VPS13A: variants seen among roughly 807,000 people sequenced by gnomAD.
VPS13A encodes vacuolar protein sorting 13 homolog A.
In VPS13A, 264 loss-of-function variants were observed where a neutral mutation model predicts 390.9. The ratio of observed to expected loss-of-function variants is 0.68; its 90% CI spans 0.61 to 0.75. The LOEUF is 0.75. Among genes scored for constraint, VPS13A ranks in the 30% least tolerant of loss-of-function variants. The pLI is 0.00. For synonymous variants in VPS13A, 1,231 were observed against 1,227.1 expected (o/e 1.00, Z -0.07); for missense variants, 3,409 against 3,733.9 (o/e 0.91, Z 2.27).
chr9:77,338,119 G>C (rs372142821), intron 47 of VPS13A: 1 of 152,340 alleles, frequency 6.6e-6, no homozygotes, highest in Non-Finnish European at 1.5e-5. Context: ...GGGACTACAG[G>C]TGCATGCCAT....
chr9:77,355,837 A>C (rs1334444210), intron 54 of VPS13A, among the ~76,000 whole-genome samples: 1 of 152,084 alleles, frequency 6.6e-6, no homozygotes, highest in Non-Finnish European at 1.5e-5. Flanking sequence ...AGATCTGACC[A>C]CTTTTCTAGT....
chr9:77,181,515 C>CAAA (rs1161800764), intron 1 of VPS13A, among the ~76,000 whole-genome samples: 65 of 79,984 alleles, frequency 8.1e-4, no homozygotes, highest in East Asian at 2.6e-3. Context: ...GACCCTGCCT[C>CAAA]AAAAAAAAAA....
chr9:77,348,257 A>G (rs1831265402), intron 52 of VPS13A, among the ~76,000 whole-genome samples: 2 of 152,236 alleles, frequency 1.3e-5, no homozygotes, highest in African/African-American at 4.8e-5. Flanking sequence ...GATGAAGAAA[A>G]TGTGGTACAT....
At chr9:77,251,762 A>G (rs566029558) in intron 21 of VPS13A, among the ~76,000 whole-genome samples, 3 of 152,268 alleles carry the variant, frequency 2.0e-5, no homozygotes, top group East Asian at 3.9e-4. Flanking sequence ...TTGCCAATCA[A>G]CAACATCCAA....
At position 77,316,117 on chromosome 9, in the gene VPS13A, ATAAT is replaced by A; in HGVS notation, c.4631-56_4631-53del. 2 of 938,072 alleles carry A rather than the reference ATAAT, an allele frequency of 2.1e-6. 1 individual carries two copies. The highest frequency in any genetic ancestry group is 2.8e-6 in the Non-Finnish European group (2 of 705,408). 58.1% of individuals were successfully genotyped at this position (938,072 alleles called of 1,614,324 possible). On this transcript the variant is annotated intron_variant, in intron 38 of 71. Coordinates refer to ENST00000360280, the MANE Select transcript of VPS13A (RefSeq NM_033305.3). ...ATTTCATTTTAATATTTTCTTATAA[ATAAT>A]AAATTATTCATAATATATAGCAAAT...
intron 69 of VPS13A, among the ~76,000 whole-genome samples, chr9:77,403,795 CAG>C (rs1234326371): frequency 6.6e-6 from 1 of 152,152 alleles, no homozygotes; most frequent in African/African-American, 2.4e-5. Context: ...TAAAAATACA[CAG>C]GGGCATAGCC....
intron 68 of VPS13A, among the ~76,000 whole-genome samples, chr9:77,393,688 A>G (rs1833993275): frequency 2.0e-5 from 3 of 152,206 alleles, no homozygotes; most frequent in African/African-American, 7.2e-5. Flanking sequence ...ATGAGCAGTA[A>G]TATTTTTCTG....
At chr9:77,408,835 G>GGCCT (rs1834758446) in intron 71 of VPS13A, among the ~76,000 whole-genome samples, 1 of 152,226 alleles carries the variant, frequency 6.6e-6, no homozygotes, top group Non-Finnish European at 1.5e-5. Flanking sequence ...AGCTCAAGGA[G>GGCCT]GCCTGCCTGC....
intron 32 of VPS13A, among the ~76,000 whole-genome samples, chr9:77,294,855 G>A (rs1371470569): frequency 1.3e-5 from 2 of 151,954 alleles, no homozygotes; most frequent in East Asian, 1.9e-4. Flanking sequence ...AGGGACAACA[G>A]GCCCTGCTAA....
intron 31 of VPS13A, among the ~76,000 whole-genome samples, chr9:77,287,973 T>TA (rs1827429727): frequency 6.6e-6 from 1 of 152,206 alleles, no homozygotes; most frequent in African/African-American, 2.4e-5. Context: ...TTGTGTAACT[T>TA]ACCTTCAGCA....
intron 1 of VPS13A, among the ~76,000 whole-genome samples, chr9:77,194,635 T>C (rs951416056): frequency 5.3e-5 from 8 of 152,112 alleles, no homozygotes; most frequent in African/African-American, 1.9e-4. Context: ...CAGCTAGGAT[T>C]CTAGAGGTCC....
In VPS13A at chr9:77,219,854, A is replaced by T. The variant is rs143009104; in HGVS notation, c.755-100A>T. On this transcript the variant is annotated intron_variant, in intron 10 of 71. Coordinates refer to ENST00000360280, the MANE Select transcript of VPS13A (RefSeq NM_033305.3). ...AACATCTGGGAACTGTAGAAGGGGTATAAAATAAATGGAAATCAGTGTTTT... is the reference window on the plus strand; with the variant it reads ...AACATCTGGGAACTGTAGAAGGGGTTTAAAATAAATGGAAATCAGTGTTTT... 2,023 of 1,274,748 alleles carry T rather than the reference A, an allele frequency of 1.6e-3. 31 individuals are homozygous for T. The African/African-American group carries it at 0.025, about 16-fold the overall frequency. 79.0% of individuals were successfully genotyped at this position (1,274,748 alleles called of 1,614,324 possible). A position where few individuals can be genotyped will look rare whatever the true frequency, so the allele number is the denominator to read the frequency against.
intron 45 of VPS13A, among the ~76,000 whole-genome samples, chr9:77,330,231 C>T (rs1373393194): frequency 6.6e-6 from 1 of 152,092 alleles, no homozygotes. Context: ...GCCTAGGCTG[C>T]TCTTGAACTC....
At chr9:77,239,397 A>T (rs780670711) in intron 19 of VPS13A, among the ~76,000 whole-genome samples, 1 of 151,878 alleles carries the variant, frequency 6.6e-6, no homozygotes, top group Non-Finnish European at 1.5e-5. Flanking sequence ...TAATAATAAA[A>T]ATTAAAAAAA....
chr9:77,339,373 A>G, intron 47 of VPS13A, 143 bp from the exon 48 acceptor site: 1 of 752,698 alleles, frequency 1.3e-6, no homozygotes, highest in South Asian at 1.9e-5. Context: ...CAAAGTTAGA[A>G]CTTGAATGTA....
Position 77,346,481 on chromosome 9 carries a change from C to T in VPS13A, c.7289+1339C>T, listed in dbSNP as rs1176013003. Among the ~76,000 whole-genome samples, 9 of 152,078 alleles carry T rather than the reference C, an allele frequency of 5.9e-5. No homozygotes were observed. In the South Asian group the frequency reaches 8.3e-4, roughly 14 times the overall value. On this transcript the variant is annotated intron_variant, in intron 52 of 71. Transcript: ENST00000360280. ...TTTTCTCCCATTCTGTGCGTTGTCT[C>T]TTTACTCTGCTGATTATTCCTTTTG... is the stretch of plus-strand genomic sequence containing the variant.
rs1353107718 is a variant in VPS13A, at chr9:77,177,702, A to G, written c.-3A>G. 6.2e-6 allele frequency: 10 copies of G among 1,613,048 alleles called. No homozygotes were observed. The highest frequency in any genetic ancestry group is 1.3e-5 in the African/African-American group (1 of 74,986). On this transcript the variant is annotated 5_prime_UTR_variant, in exon 1 of 72. Transcript: ENST00000360280. ...GCTGCCGTGCCCACCACGGCTGAGG[A>G]ACATGGTTTTCGAGTCGGTGGTCGT...
At chr9:77,336,034 G>C (rs549302839) in intron 46 of VPS13A, among the ~76,000 whole-genome samples, 4 of 152,260 alleles carry the variant, frequency 2.6e-5, no homozygotes, top group African/African-American at 9.6e-5. Flanking sequence ...CCATAGAAAA[G>C]AATGAGTTCA....
intron 10 of VPS13A, 95 bp downstream of exon 10, chr9:77,214,481 AT>A (rs1822741258): frequency 2.1e-6 from 2 of 945,614 alleles, no homozygotes; most frequent in Admixed American, 3.9e-5. Flanking sequence ...TTCCTGTTAA[AT>A]TTCCTTCTAT....
Sources: allele counts gnomAD v4.1 joint callset (sites outside exome capture counted in the v4.1 genomes callset), GRCh38; gene constraint gnomAD v4.1.1; transcripts MANE v1.5; gene names NCBI Gene and HGNC (gene_info 2026-07-23, HGNC 2026-07-21).